The following PRRC1 variants were observed in gnomAD, a reference collection of about 807,000 sequenced individuals.
PRRC1 encodes the protein protein PRRC1.
PRRC1 carries 39 observed loss-of-function variants against 40.7 expected under a neutral mutation model. The observed-to-expected ratio is 0.96, with a 90% CI of 0.74 to 1.25. The LOEUF is 1.25. Ranked by LOEUF, PRRC1 falls within the 50% of genes most tolerant of loss-of-function variation. PRRC1 has a pLI of 0.00. For synonymous variants in PRRC1, 175 were observed against 193.3 expected (o/e 0.91, Z 0.79); for missense variants, 573 against 548.3 (o/e 1.05, Z -0.45).
In PRRC1 at chr5:127,553,367, T is replaced by C; in HGVS notation, c.*1451T>C. 9.9e-7 allele frequency: 1 copy of C among 1,009,806 alleles called. No individual in the cohort carries two copies. Among genetic ancestry groups the C allele is most frequent in the Non-Finnish European group, 1.2e-6 (1 of 846,718 alleles). The allele number at this position is 1,009,806 out of a possible 1,614,324, so 62.6% of individuals were successfully genotyped here. A position where few individuals can be genotyped will look rare whatever the true frequency, so the allele number is the denominator to read the frequency against. On this transcript the variant is annotated 3_prime_UTR_variant, in exon 9 of 9. Coordinates refer to ENST00000296666, the MANE Select transcript of PRRC1 (RefSeq NM_130809.5). ...ATGTTACTTTCCAAGCACTGTATAATGACTGTTCAGTGAATATCAGACTTC... is the reference window on the plus strand; with the variant it reads ...ATGTTACTTTCCAAGCACTGTATAACGACTGTTCAGTGAATATCAGACTTC...
At position 127,539,617 on chromosome 5, in the gene PRRC1, TA is replaced by T. The variant is rs1368790240; in HGVS notation, c.1025+475del. ...TATCATTGTTTTTCAGGTGGCTTTT[TA>T]TGGGAAAAATTTTTAATTTGCTTAA... On this transcript the variant is annotated intron_variant, in intron 7 of 8. Transcript: ENST00000296666. Among the ~76,000 whole-genome samples the T allele has an allele frequency of 5.3e-5, 8 of 152,272 alleles. No homozygotes were observed. The South Asian group carries it at 1.4e-3, about 28-fold the overall frequency.
At chr5:127,545,769 T>TA (rs1248545684) in intron 7 of PRRC1, among the ~76,000 whole-genome samples, 2 of 151,282 alleles carry the variant, frequency 1.3e-5, no homozygotes, top group Non-Finnish European at 1.5e-5. Flanking sequence ...CCCTAAAACT[T>TA]AAAGTATAAT....
chr5:127,532,694 A>G (rs1767806508), intron 5 of PRRC1, among the ~76,000 whole-genome samples: 1 of 152,210 alleles, frequency 6.6e-6, no homozygotes, highest in Non-Finnish European at 1.5e-5. Flanking sequence ...TCAGTCAGGA[A>G]AAAGGGATCC....
At chr5:127,520,641 G>A (rs1438067564) in intron 1 of PRRC1, among the ~76,000 whole-genome samples, 1 of 152,190 alleles carries the variant, frequency 6.6e-6, no homozygotes, top group Admixed American at 6.5e-5. Flanking sequence ...GTGTTTGCCA[G>A]GGCTTATGGT....
At chr5:127,534,820 A>G (rs1283847971) in intron 6 of PRRC1, among the ~76,000 whole-genome samples, 2 of 152,136 alleles carry the variant, frequency 1.3e-5, no homozygotes, top group African/African-American at 2.4e-5. Context: ...TGAATATCTC[A>G]AACTTAATAT....
chr5:127,530,154 T>C (rs1767728744), intron 4 of PRRC1, 140 bp from the exon 5 acceptor site: 2 of 624,706 alleles, frequency 3.2e-6, no homozygotes, highest in East Asian at 2.8e-5. Context: ...CAATTTGATA[T>C]TGTCATGACC....
In PRRC1 at chr5:127,551,786, GT is replaced by G; in HGVS notation, c.1211del (p.Leu404TyrfsTer2). On this transcript the variant is annotated frameshift_variant, in exon 9 of 9. Coordinates refer to ENST00000296666, the MANE Select transcript of PRRC1 (RefSeq NM_130809.5). LOFTEE classifies it high-confidence loss of function. ...LVTVGEVLEKSLLNVSRTDWH... is the reference protein window; with the variant it reads ...LVTVGEVLEKXLLNVSRTDWH... Reference sequence around the variant, plus strand: ...ACAGTGGGTGAAGTCCTGGAAAAGAGTTTACTGAATGTCAGCCGGACTGATT... The same window carrying G: ...ACAGTGGGTGAAGTCCTGGAAAAGAGTTACTGAATGTCAGCCGGACTGATT... 6.2e-7 allele frequency: 1 copy of G among 1,614,116 alleles called. No individual in the cohort carries two copies. The highest frequency in any genetic ancestry group is 1.1e-5 in the South Asian group (1 of 91,086).
At position 127,526,602 on chromosome 5, in the gene PRRC1, T is replaced by C; in HGVS notation, c.494-16T>C. 5 of 1,588,546 alleles carry C rather than the reference T, an allele frequency of 3.1e-6. No homozygotes were observed. Among genetic ancestry groups the C allele is most frequent in the Non-Finnish European group, 4.3e-6 (5 of 1,169,260 alleles). On this transcript the variant is annotated splice_polypyrimidine_tract_variant and intron_variant, in intron 3 of 8. Coordinates refer to ENST00000296666, the MANE Select transcript of PRRC1 (RefSeq NM_130809.5). ...TGGAATAAATTATACATATGAAAAT[T>C]TTTGCCATTGATTAGGTCTTTTGCC...
intron 7 of PRRC1, among the ~76,000 whole-genome samples, chr5:127,545,890 G>A: frequency 6.6e-6 from 1 of 151,454 alleles, no homozygotes; most frequent in East Asian, 1.9e-4. Flanking sequence ...ATTTTTTGCG[G>A]TTTTAGAATG....
intron 1 of PRRC1, chr5:127,518,080 C>T (rs919083994): frequency 6.6e-6 from 1 of 152,450 alleles, no homozygotes; most frequent in African/African-American, 2.4e-5. Flanking sequence ...TGTCCAAGGA[C>T]CAAGGCAGGA....
At chr5:127,523,424 C>T in intron 1 of PRRC1, 36 bp from the exon 2 acceptor site, 3 of 995,394 alleles carry the variant, frequency 3.0e-6, no homozygotes, top group Middle Eastern at 2.2e-4. Flanking sequence ...CTTTTGGTTA[C>T]TGTGTAATAT....
chr5:127,522,253 A>G (rs1446279256), intron 1 of PRRC1, among the ~76,000 whole-genome samples: 1 of 152,254 alleles, frequency 6.6e-6, no homozygotes, highest in African/African-American at 2.4e-5. Context: ...GTTGTCTATT[A>G]GGATGCTGCT....
At chr5:127,534,420 A>C (rs1457750209) in intron 6 of PRRC1, among the ~76,000 whole-genome samples, 1 of 152,224 alleles carries the variant, frequency 6.6e-6, no homozygotes, top group South Asian at 2.1e-4. Flanking sequence ...CATTCAGTTA[A>C]GTCTACCTCA....
intron 6 of PRRC1, among the ~76,000 whole-genome samples, chr5:127,538,499 T>A (rs1767954967): frequency 6.6e-6 from 1 of 152,140 alleles, no homozygotes; most frequent in African/African-American, 2.4e-5. Context: ...GTAATTATTT[T>A]GTTGAATAAG....
chr5:127,547,417 A>G (rs1293623816), intron 7 of PRRC1, among the ~76,000 whole-genome samples: 2 of 152,030 alleles, frequency 1.3e-5, no homozygotes, highest in Non-Finnish European at 2.9e-5. Flanking sequence ...GTACATATTC[A>G]TGATAGAGTT....
chr5:127,537,742 G>A (rs1767935317), intron 6 of PRRC1, among the ~76,000 whole-genome samples: 1 of 152,028 alleles, frequency 6.6e-6, no homozygotes, highest in East Asian at 1.9e-4. Flanking sequence ...AGTTTTTACG[G>A]AATGAATGTT....
chr5:127,526,280 G>A (rs967592496), intron 3 of PRRC1, among the ~76,000 whole-genome samples: 12 of 152,110 alleles, frequency 7.9e-5, no homozygotes, highest in African/African-American at 2.9e-4. Flanking sequence ...GTGCTTTTTT[G>A]TGATGAACTT....
rs749952536 is a variant in PRRC1 at position 127,523,456 on chromosome 5, A to G, written c.-20-4A>G. 3.4e-6 allele frequency: 5 copies of G among 1,457,546 alleles called. No individual in the cohort carries two copies. Among genetic ancestry groups the G allele is most frequent in the African/African-American group, 1.4e-5 (1 of 70,472 alleles). The allele number at this position is 1,457,546 out of a possible 1,614,324, so 90.3% of individuals were successfully genotyped here. On this transcript the variant is annotated splice_region_variant and splice_polypyrimidine_tract_variant and intron_variant, in intron 1 of 8. Transcript: ENST00000296666. ...ATATTTGTTACATTTTTGTGTTTTTATAGTATACCATAATTGAAGAAAAAT... is the reference window on the plus strand; with the variant it reads ...ATATTTGTTACATTTTTGTGTTTTTGTAGTATACCATAATTGAAGAAAAAT...
Position 127,524,554 on chromosome 5 carries a change from C to G in PRRC1, c.127C>G (p.Pro43Ala). The G allele has an allele frequency of 2.5e-6, 4 of 1,607,996 alleles. No individual in the cohort carries two copies. Among genetic ancestry groups the G allele is most frequent in the South Asian group, 1.1e-5 (1 of 90,660 alleles). The change falls in exon 3 of 9, where the codon CCA becomes GCA. Residue 43 changes from proline to alanine, a missense_variant. Pro to Ala is a conservative substitution (Grantham distance 27). Coordinates refer to ENST00000296666, the MANE Select transcript of PRRC1 (RefSeq NM_130809.5). ...AGCGGCAACCAGTTCTTTTTCTTCT[C>G]CAAATGTATCCTCCATGGAGTCCTT... ...PLAATSSFSS[P>A]NVSSMESFPP...
Sources: gnomAD v4.1 joint callset for allele counts (sites outside exome capture counted in the v4.1 genomes callset) on GRCh38, gnomAD v4.1.1 for gene constraint, MANE v1.5 for transcripts, NCBI Gene and HGNC (gene_info 2026-07-23, HGNC 2026-07-21) for gene names.